The following STK32B variants were observed in gnomAD, a reference collection of about 807,000 sequenced individuals.
STK32B encodes the protein serine/threonine-protein kinase 32B.
STK32B carries 43 observed loss-of-function variants against 52.6 expected under a neutral mutation model. That is an observed-to-expected ratio of 0.82 (90% CI 0.64 to 1.05). The LOEUF (loss-of-function observed/expected upper bound fraction) is 1.05. STK32B is among the 50% of genes least tolerant of loss of function. The pLI, the probability that STK32B is intolerant of heterozygous loss-of-function variation, is 0.00. For missense variants in STK32B, 621 were observed against 534.6 expected, an observed-to-expected ratio of 1.16 and a Z score of -1.59; for synonymous variants, 238 against 204.3, an observed-to-expected ratio of 1.17 and a Z score of -1.41.
intron 2 of STK32B, among the ~76,000 whole-genome samples, chr4:5,163,538 CTGTGTGTG>C (rs3077842): frequency 0.26 from 35,843 of 139,308 alleles, 4,646 homozygotes; most frequent in East Asian, 0.47. Flanking sequence ...AGAGTGAAGG[CTGTGTGTG>C]TGTGTGTGTG....
chr4:5,173,145 C>G (rs183840513), intron 3 of STK32B, among the ~76,000 whole-genome samples: 1 of 152,058 alleles, frequency 6.6e-6, no homozygotes, highest in Admixed American at 6.6e-5. Flanking sequence ...TCTGTGGGAT[C>G]GGTGGTGATA....
At chr4:5,251,142 T>C (rs1214309147) in intron 3 of STK32B, among the ~76,000 whole-genome samples, 4 of 152,238 alleles carry the variant, frequency 2.6e-5, no homozygotes, top group Non-Finnish European at 2.9e-5. Context: ...AGGCCCAATG[T>C]CTAGAATGCT....
intron 3 of STK32B, among the ~76,000 whole-genome samples, chr4:5,317,302 AATATATAAC>A (rs1731107974): frequency 5.0e-5 from 2 of 39,668 alleles, no homozygotes; most frequent in South Asian, 1.3e-3. Context: ...TATAATATAT[AATATATAAC>A]ATATGTATAA....
intron 1 of STK32B, among the ~76,000 whole-genome samples, chr4:5,130,476 T>C (rs1476394111): frequency 6.6e-6 from 1 of 152,038 alleles, no homozygotes; most frequent in Non-Finnish European, 1.5e-5. Flanking sequence ...TTTGAGAAGG[T>C]AGGCAAAAGG....
At chr4:5,180,666 G>A (rs193242183) in intron 3 of STK32B, among the ~76,000 whole-genome samples, 14 of 152,282 alleles carry the variant, frequency 9.2e-5, no homozygotes, top group Admixed American at 7.8e-4. Context: ...GGACACCACC[G>A]CTTTATATTA....
intron 1 of STK32B, among the ~76,000 whole-genome samples, chr4:5,114,879 C>G (rs1714631338): frequency 6.6e-6 from 1 of 152,092 alleles, no homozygotes; most frequent in South Asian, 2.1e-4. Flanking sequence ...GGAGCCTGTC[C>G]TTTGTTCCTC....
At chr4:5,402,098 G>A (rs1428205432) in intron 5 of STK32B, among the ~76,000 whole-genome samples, 4 of 152,252 alleles carry the variant, frequency 2.6e-5, no homozygotes, top group African/African-American at 9.6e-5. Context: ...AAGAGCAGGA[G>A]AGCCCAGCCA....
intron 1 of STK32B, among the ~76,000 whole-genome samples, chr4:5,086,714 G>A (rs1163638880): frequency 6.6e-6 from 1 of 151,944 alleles, no homozygotes; most frequent in Non-Finnish European, 1.5e-5. Flanking sequence ...AGGGAGAAGT[G>A]ACTCATCAGG....
upstream of STK32B, among the ~76,000 whole-genome samples, chr4:5,047,472 TAAAAA>T (rs545238319): frequency 6.8e-4 from 103 of 152,078 alleles, no homozygotes; most frequent in Middle Eastern, 3.4e-3. Flanking sequence ...AAAATAAAAA[TAAAAA>T]TAAAATAAAA....
intron 3 of STK32B, among the ~76,000 whole-genome samples, chr4:5,261,510 G>A (rs1244810401): frequency 6.6e-6 from 1 of 152,152 alleles, no homozygotes; most frequent in Admixed American, 6.5e-5. Flanking sequence ...TCACACATCA[G>A]ACTCTTTAAC....
chr4:5,362,014 T>A (rs1370376787), intron 4 of STK32B, among the ~76,000 whole-genome samples: 3 of 152,232 alleles, frequency 2.0e-5, no homozygotes, highest in South Asian at 2.1e-4. Context: ...GAAACGAACT[T>A]GAAAATTATA....
At chr4:5,449,347 A>T (rs906830740) in intron 7 of STK32B, among the ~76,000 whole-genome samples, 1 of 152,204 alleles carries the variant, frequency 6.6e-6, no homozygotes, top group Non-Finnish European at 1.5e-5. Context: ...TCTGTCTCAC[A>T]TAAAAAGGTT....
chr4:5,179,597 A>G (rs894541609), intron 3 of STK32B, among the ~76,000 whole-genome samples: 1 of 152,194 alleles, frequency 6.6e-6, no homozygotes, highest in Non-Finnish European at 1.5e-5. Context: ...GATGATAGAT[A>G]AATAGATGAT....
chr4:5,461,211 C>A (rs1341062718), intron 9 of STK32B, among the ~76,000 whole-genome samples: 1 of 152,190 alleles, frequency 6.6e-6, no homozygotes, highest in Non-Finnish European at 1.5e-5. Context: ...CTCACCTGTC[C>A]TTGCCCTGCC....
Position 5,276,526 on chromosome 4 carries a change from A to C in STK32B, c.261-54694A>C, listed in dbSNP as rs925443438. On this transcript the variant is annotated intron_variant, in intron 3 of 11. Transcript: ENST00000282908. ...TTATGTCAAATCCTGAAGGAACTCAAACAAAAGGGTAGTTAATACATCATG... is the reference window on the plus strand; with the variant it reads ...TTATGTCAAATCCTGAAGGAACTCACACAAAAGGGTAGTTAATACATCATG... Among the ~76,000 whole-genome samples, 7 of 152,142 alleles carry C rather than the reference A, an allele frequency of 4.6e-5. No individual in the cohort carries two copies. In the East Asian group the frequency reaches 9.6e-4, roughly 21 times the overall value.
chr4:5,429,555 A>G (rs1713387034), intron 6 of STK32B, among the ~76,000 whole-genome samples: 1 of 87,934 alleles, frequency 1.1e-5, no homozygotes. Flanking sequence ...TCTTTTTACT[A>G]TAAATATATG....
At chr4:5,476,085 A>C (rs1053688095) in intron 11 of STK32B, among the ~76,000 whole-genome samples, 1 of 151,790 alleles carries the variant, frequency 6.6e-6, no homozygotes, top group Non-Finnish European at 1.5e-5. Context: ...TTTTTAGTAG[A>C]GATGGGGTTT....
Position 5,456,823 on chromosome 4 carries a change from A to T in STK32B, c.683A>T (p.His228Leu). Residue 228 changes from histidine to leucine, a missense_variant, in exon 8 of 12, where the codon CAC becomes CTC. By Grantham distance (99) the His-to-Leu change is moderately conservative. Transcript: ENST00000282908. ...TGATTGCAGAGGCCGTACGAAATCCACTCGGTCACGCCCATCGATGAAATC... is the reference window on the plus strand; with the variant it reads ...TGATTGCAGAGGCCGTACGAAATCCTCTCGGTCACGCCCATCGATGAAATC... Reference protein sequence around the residue: ...LLRGWRPYEIHSVTPIDEILN... With the variant: ...LLRGWRPYEILSVTPIDEILN... 2 of 1,584,524 alleles carry T rather than the reference A, an allele frequency of 1.3e-6. No homozygotes were observed. The highest frequency in any genetic ancestry group is 1.7e-6 in the Non-Finnish European group (2 of 1,161,946).
At chr4:5,447,234 A>G (rs148276049) in intron 7 of STK32B, 29 of 155,736 alleles carry the variant, frequency 1.9e-4, no homozygotes, top group African/African-American at 6.5e-4. Flanking sequence ...CATTCAATCA[A>G]TACGTATTTG....
Sources: gnomAD v4.1 joint callset for allele counts (sites outside exome capture counted in the v4.1 genomes callset) on GRCh38, gnomAD v4.1.1 for gene constraint, MANE v1.5 for transcripts, NCBI Gene and HGNC (gene_info 2026-07-23, HGNC 2026-07-21) for gene names.